SLC44A3: variants seen among roughly 807,000 people sequenced by gnomAD.
SLC44A3 encodes the protein choline transporter-like protein 3.
In SLC44A3, 74 loss-of-function variants were observed where a neutral mutation model predicts 75.4. The observed-to-expected ratio is 0.98, with a 90% CI of 0.81 to 1.19. The LOEUF is 1.19. SLC44A3 is among the 50% of genes most tolerant of loss of function. SLC44A3 has a pLI of 0.00. For missense variants in SLC44A3, 700 were observed against 778.6 expected (o/e 0.90, Z 1.20); for synonymous variants, 310 against 296.9 (o/e 1.04, Z -0.45).
Position 94,864,634 on chromosome 1 carries a change from TTA to T in SLC44A3, c.1239-107_1239-106del, listed in dbSNP as rs1666952021. The T allele has an allele frequency of 2.6e-6, 3 of 1,158,482 alleles. No homozygotes were observed. In the African/African-American group the frequency reaches 4.7e-5, roughly 18 times the overall value. 71.8% of individuals were successfully genotyped at this position (1,158,482 alleles called of 1,614,324 possible). On this transcript the variant is annotated intron_variant, in intron 10 of 14. Transcript: ENST00000271227. ...GTATAAAAAGTTCGCCAAATGCTTA[TTA>T]TGTCACAACTTTCTAAGTTGTTAGT...
At chr1:94,865,136 T>C (rs576177922) in intron 11 of SLC44A3, among the ~76,000 whole-genome samples, 23 of 152,284 alleles carry the variant, frequency 1.5e-4, no homozygotes, top group African/African-American at 5.3e-4. Context: ...TCGGTGGAGA[T>C]GGCGTGGGGA....
At chr1:94,872,161 G>T (rs1440581337) in intron 12 of SLC44A3, among the ~76,000 whole-genome samples, 1 of 152,048 alleles carries the variant, frequency 6.6e-6, no homozygotes, top group Non-Finnish European at 1.5e-5. Flanking sequence ...GAGTGCAATG[G>T]CACGATCTCG....
intron 12 of SLC44A3, among the ~76,000 whole-genome samples, chr1:94,877,418 C>T (rs1027928523): frequency 6.6e-6 from 1 of 152,090 alleles, no homozygotes; most frequent in Non-Finnish European, 1.5e-5. Flanking sequence ...CTAACCTTAA[C>T]TGGGGGAATG....
chr1:94,846,070 C>G (rs1414567921), intron 9 of SLC44A3, among the ~76,000 whole-genome samples: 1 of 149,770 alleles, frequency 6.7e-6, no homozygotes, highest in South Asian at 2.1e-4. Flanking sequence ...TTGCTTGAAC[C>G]TGGGAGGTGG....
In SLC44A3 at chr1:94,864,905, G is replaced by C. The variant is rs752001427; in HGVS notation, c.1395+6G>C. On this transcript the variant is annotated splice_donor_region_variant and intron_variant, in intron 11 of 14. Transcript: ENST00000271227. ...AAAACGCACTGAAAGAACAGGTAAG[G>C]CTACCTCCTGATACACAGCACGTTC... 3.1e-6 allele frequency: 5 copies of C among 1,612,868 alleles called. No homozygotes were observed. Among genetic ancestry groups the C allele is most frequent in the Non-Finnish European group, 3.4e-6 (4 of 1,179,530 alleles).
At chr1:94,826,307 G>A (rs949188288) in intron 3 of SLC44A3, among the ~76,000 whole-genome samples, 4 of 152,172 alleles carry the variant, frequency 2.6e-5, no homozygotes, top group African/African-American at 9.7e-5. Flanking sequence ...AATGGATGGT[G>A]GTGATGATAG....
chr1:94,857,949 G>T (rs1400818569), intron 10 of SLC44A3, among the ~76,000 whole-genome samples: 1 of 151,834 alleles, frequency 6.6e-6, no homozygotes, highest in Admixed American at 6.6e-5. Context: ...AAGTAGCTGG[G>T]ACTAAAGGCA....
intron 9 of SLC44A3, among the ~76,000 whole-genome samples, chr1:94,853,180 A>G (rs981089148): frequency 2.6e-5 from 4 of 152,186 alleles, no homozygotes; most frequent in Middle Eastern, 3.2e-3. Context: ...CAGTGGGTCG[A>G]AGGAGAAGGG....
chr1:94,867,019 G>A (rs970586407), intron 11 of SLC44A3, among the ~76,000 whole-genome samples: 1 of 151,988 alleles, frequency 6.6e-6, no homozygotes, highest in Admixed American at 6.6e-5. Context: ...AGACACTTAA[G>A]GGCAGATGAA....
chr1:94,835,851 T>C (rs1045827707), intron 5 of SLC44A3, among the ~76,000 whole-genome samples: 3 of 152,200 alleles, frequency 2.0e-5, no homozygotes, highest in Admixed American at 6.5e-5. Context: ...GAAATGTACT[T>C]CGGTAGCTCA....
At chr1:94,876,254 CT>C (rs1306519205) in intron 12 of SLC44A3, among the ~76,000 whole-genome samples, 1 of 152,212 alleles carries the variant, frequency 6.6e-6, no homozygotes, top group East Asian at 1.9e-4. Flanking sequence ...GATAGATTAG[CT>C]TCAACGTTTC....
At chr1:94,826,704 T>G (rs1441625549) in intron 3 of SLC44A3, among the ~76,000 whole-genome samples, 1 of 151,910 alleles carries the variant, frequency 6.6e-6, no homozygotes, top group Admixed American at 6.6e-5. Flanking sequence ...TTTTTAAACT[T>G]CTTCAAAAAT....
At chr1:94,880,082 G>A (rs1350257909) in intron 12 of SLC44A3, among the ~76,000 whole-genome samples, 3 of 152,170 alleles carry the variant, frequency 2.0e-5, no homozygotes, top group Non-Finnish European at 4.4e-5. Context: ...AATGTAAAAT[G>A]TTGTAACTGT....
At chr1:94,821,114 A>C in intron 2 of SLC44A3, 58 bp downstream of exon 2, 1 of 1,349,212 alleles carries the variant, frequency 7.4e-7, no homozygotes. Flanking sequence ...TCTGGAAATA[A>C]CTCTGTCCCA....
chr1:94,845,469 G>A lies in SLC44A3; in HGVS notation c.1072+5G>A. 1 of 1,604,364 alleles carries A rather than the reference G, an allele frequency of 6.2e-7. No individual in the cohort carries two copies. The highest frequency in any genetic ancestry group is 8.5e-7 in the Non-Finnish European group (1 of 1,178,078). On this transcript the variant is annotated splice_donor_5th_base_variant and intron_variant, in intron 9 of 14. Coordinates refer to ENST00000271227, the MANE Select transcript of SLC44A3 (RefSeq NM_001114106.3). ...TGCTGAGCCTGGGAACTGCAGGTAA[G>A]GGACAGTGGGTGTGGGTTCCATCAC...
chr1:94,849,839 C>T (rs1271669867), intron 9 of SLC44A3, among the ~76,000 whole-genome samples: 1 of 152,176 alleles, frequency 6.6e-6, no homozygotes, highest in African/African-American at 2.4e-5. Context: ...TAGCATCAAC[C>T]TCCCGGGCTC....
chr1:94,837,693 T>C lies in SLC44A3; in HGVS notation c.510-18T>C. The C allele has an allele frequency of 6.5e-7, 1 of 1,540,428 alleles. No homozygotes were observed. The highest frequency in any genetic ancestry group is 8.7e-7 in the Non-Finnish European group (1 of 1,147,676). ...TGTTAAATAAACATTTTTGCCATCTTTTTTTCTCTATTTTTAGCAAGTCAT... is the reference window on the plus strand; with the variant it reads ...TGTTAAATAAACATTTTTGCCATCTCTTTTTCTCTATTTTTAGCAAGTCAT... On this transcript the variant is annotated intron_variant, in intron 5 of 14. Transcript: ENST00000271227.
rs773446033 is a variant in SLC44A3, at chr1:94,827,619, G to T, written c.391G>T (p.Val131Phe). ...AGAGCAGCTTGACTCCCTGGAAGAG[G>T]TCCAGTTCTTTGCAAACACCAGTGG... ...PEEQLDSLEE[V>F]QFFANTSGSF... Residue 131 changes from valine (V) to phenylalanine (F), a missense_variant, in exon 4 of 15, where the codon GTC becomes TTC. Physicochemically the swap from Val to Phe is conservative, Grantham distance 50. Coordinates refer to ENST00000271227, the MANE Select transcript of SLC44A3 (RefSeq NM_001114106.3). The T allele has an allele frequency of 6.2e-7, 1 of 1,614,134 alleles. No individual in the cohort carries two copies. Among genetic ancestry groups the T allele is most frequent in the South Asian group, 1.1e-5 (1 of 91,074 alleles).
At chr1:94,837,465 C>T (rs1461126294) in intron 5 of SLC44A3, among the ~76,000 whole-genome samples, 1 of 151,986 alleles carries the variant, frequency 6.6e-6, no homozygotes, top group Non-Finnish European at 1.5e-5. Flanking sequence ...AAATGTTGCT[C>T]CCCAAGTTTA....
Sources: gnomAD v4.1 joint callset for allele counts (sites outside exome capture counted in the v4.1 genomes callset) on GRCh38, gnomAD v4.1.1 for gene constraint, MANE v1.5 for transcripts, NCBI Gene and HGNC (gene_info 2026-07-23, HGNC 2026-07-21) for gene names.